Variants in P4HA1 observed in about 807,000 individuals in gnomAD.
P4HA1 encodes the protein prolyl 4-hydroxylase subunit alpha-1.
A neutral mutation model predicts 72.8 loss-of-function variants in P4HA1; 24 were observed. That is an observed-to-expected ratio of 0.33 (90% CI 0.24 to 0.46). The LOEUF is 0.46. Ranked by LOEUF, P4HA1 falls within the 20% of genes least tolerant of loss-of-function variation. The probability of loss-of-function intolerance (pLI) is 1.00; values close to 1 mark genes in which losing one functional copy is unlikely to be tolerated. For synonymous variants in P4HA1, 201 were observed against 218.8 expected, an observed-to-expected ratio of 0.92 and a Z score of 0.72; for missense variants, 446 against 640.6, an observed-to-expected ratio of 0.70 and a Z score of 3.28.
chr10:73,065,777 A>G (rs1266021132), intron 5 of P4HA1, among the ~76,000 whole-genome samples: 1 of 152,238 alleles, frequency 6.6e-6, no homozygotes, highest in East Asian at 1.9e-4. Flanking sequence ...AAAAGAAATC[A>G]ACAAAGATGT....
chr10:73,063,423 C>T (rs1349865280), intron 5 of P4HA1, among the ~76,000 whole-genome samples: 1 of 152,232 alleles, frequency 6.6e-6, no homozygotes, highest in Non-Finnish European at 1.5e-5. Flanking sequence ...AATACCATCA[C>T]ACTGGCCATG....
intron 4 of P4HA1, among the ~76,000 whole-genome samples, chr10:73,070,269 G>T (rs140752536): frequency 1.4e-5 from 2 of 141,774 alleles, no homozygotes; most frequent in East Asian, 4.3e-4. Context: ...CAATTCTCCT[G>T]CCTCAGCCTC....
rs1564627214 is a variant in P4HA1, at chr10:73,045,004, C to CA, written c.1124_1125insT (p.Val376GlyfsTer6). On this transcript the variant is annotated frameshift_variant, in exon 9 of 15. Transcript: ENST00000394890. LOFTEE classifies it high-confidence loss of function. ...ACCTTTTGCTAATTCTGTAATGTAC[C>CA]GTCTCCAAGTCTCCTGTTATTGGGT... The CA allele has an allele frequency of 1.2e-6, 2 of 1,613,372 alleles. No individual in the cohort carries two copies. The highest frequency in any genetic ancestry group is 3.3e-5 in the Admixed American group (2 of 59,958).
chr10:73,093,748 C>T (rs1339600612), intron 1 of P4HA1, among the ~76,000 whole-genome samples: 2 of 141,424 alleles, frequency 1.4e-5, no homozygotes, highest in Admixed American at 1.5e-4. Flanking sequence ...GAGGCTTAGG[C>T]AGGAGAATGG....
At chr10:73,052,812 G>A (rs1379855606) in intron 6 of P4HA1, among the ~76,000 whole-genome samples, 1 of 152,068 alleles carries the variant, frequency 6.6e-6, no homozygotes, top group Non-Finnish European at 1.5e-5. Flanking sequence ...GCAGATCTAG[G>A]GTAGAGATCA....
At chr10:73,090,913 G>A (rs1397042358) in intron 1 of P4HA1, among the ~76,000 whole-genome samples, 1 of 151,350 alleles carries the variant, frequency 6.6e-6, no homozygotes, top group Non-Finnish European at 1.5e-5. Context: ...ATACAAAAAA[G>A]TAGTCGGGCG....
chr10:73,093,860 AAAAAAAAAAAAAAATATAT>A (rs1842091307), intron 1 of P4HA1, among the ~76,000 whole-genome samples: 1 of 69,074 alleles, frequency 1.4e-5, no homozygotes, highest in African/African-American at 7.6e-5. Flanking sequence ...AAAAAAAAAA[AAAAAAAAAAAAAAATATAT>A]ATATATATAT....
chr10:73,027,659 A>G (rs1589583783), intron 10 of P4HA1, among the ~76,000 whole-genome samples: 2 of 104,394 alleles, frequency 1.9e-5, no homozygotes, highest in South Asian at 4.3e-4. Context: ...GGGGAGGGAG[A>G]GAGGAAGGAA....
At chr10:73,017,208 GATATCT>G (rs1327192727) in intron 10 of P4HA1, among the ~76,000 whole-genome samples, 1 of 133,516 alleles carries the variant, frequency 7.5e-6, no homozygotes, top group Non-Finnish European at 1.5e-5. Flanking sequence ...TGTATATATA[GATATCT>G]ATATCTACAG....
intron 8 of P4HA1, among the ~76,000 whole-genome samples, chr10:73,046,353 T>C (rs201327967): frequency 1.3e-5 from 2 of 152,332 alleles, no homozygotes; most frequent in East Asian, 3.9e-4. Context: ...CTTTTCCACA[T>C]TCTCACTAAA....
rs1249938263 is a variant in P4HA1, at chr10:73,053,370, T to G, written c.684A>C (p.Thr228=). Residue 228 remains threonine (T), a synonymous_variant, in exon 6 of 15, where the codon ACA becomes ACC. Transcript: ENST00000394890. ...ACATACCTAGTTCAAGAAGCTTCTT[T>G]GTGAGCAAAAGTGCCTTATCCAGGT... ...QGDLDKALLL[T]KKLLELDPEH... 6.2e-7 allele frequency: 1 copy of G among 1,614,138 alleles called. No individual in the cohort carries two copies. The highest frequency in any genetic ancestry group is 1.1e-5 in the South Asian group (1 of 91,078).
At chr10:73,089,385 A>C (rs1391185842) in intron 1 of P4HA1, among the ~76,000 whole-genome samples, 11 of 152,224 alleles carry the variant, frequency 7.2e-5, no homozygotes, top group Non-Finnish European at 1.6e-4. Context: ...TGCTCTTTGA[A>C]GCACACTGTT....
intron 6 of P4HA1, among the ~76,000 whole-genome samples, chr10:73,052,763 A>C (rs1426681880): frequency 1.3e-5 from 2 of 152,190 alleles, no homozygotes; most frequent in Non-Finnish European, 2.9e-5. Flanking sequence ...ACTTATTATC[A>C]TACAAATTCT....
intron 5 of P4HA1, among the ~76,000 whole-genome samples, chr10:73,056,877 G>A (rs374336029): frequency 1.2e-4 from 18 of 151,282 alleles, no homozygotes; most frequent in East Asian, 9.9e-4. Context: ...TGGCTAACAC[G>A]GTGAAAGCCT....
chr10:73,091,242 G>A (rs1842025844), intron 1 of P4HA1, among the ~76,000 whole-genome samples: 1 of 151,874 alleles, frequency 6.6e-6, no homozygotes, highest in Non-Finnish European at 1.5e-5. Context: ...AAGAACAAAG[G>A]TCACACACAC....
chr10:73,091,245 A>T (rs1589634535), intron 1 of P4HA1, among the ~76,000 whole-genome samples: 1 of 152,094 alleles, frequency 6.6e-6, no homozygotes, highest in East Asian at 1.9e-4. Context: ...AACAAAGGTC[A>T]CACACACAAG....
At chr10:73,085,192 G>A (rs369781280) in intron 1 of P4HA1, among the ~76,000 whole-genome samples, 4 of 151,718 alleles carry the variant, frequency 2.6e-5, no homozygotes, top group East Asian at 1.9e-4. Context: ...TAATCATAAC[G>A]CCTAGGCAAT....
At position 73,051,155 on chromosome 10, in the gene P4HA1, T is replaced by C. The variant is rs1218375409; in HGVS notation, c.798A>G (p.Gln266=). 13 of 1,612,830 alleles carry C rather than the reference T, an allele frequency of 8.1e-6. No individual in the cohort carries two copies. Among genetic ancestry groups the C allele is most frequent in the East Asian group, 2.2e-5 (1 of 44,884 alleles). ...TCTTTGGTGTAGTTTTCTGATCAGA[T>C]TGGTCATCTGAAGCAGACTTATTGA... is the stretch of plus-strand genomic sequence containing the variant. ...KDVNKSASDD[Q]SDQKTTPKKK... Residue 266 remains glutamine (Q), a synonymous_variant, in exon 7 of 15, where the codon CAA becomes CAG. Coordinates refer to ENST00000394890, the MANE Select transcript of P4HA1 (RefSeq NM_001017962.3).
chr10:73,076,327 T>G (rs1025285384), intron 1 of P4HA1, among the ~76,000 whole-genome samples: 19 of 151,654 alleles, frequency 1.3e-4, no homozygotes, highest in Admixed American at 5.3e-4. Flanking sequence ...GCCTCCTGAG[T>G]AGCTGGAAAT....
Sources: allele counts gnomAD v4.1 joint callset (sites outside exome capture counted in the v4.1 genomes callset), GRCh38; gene constraint gnomAD v4.1.1; transcripts MANE v1.5; gene names NCBI Gene and HGNC (gene_info 2026-07-23, HGNC 2026-07-21).